VPS36: variants seen among roughly 807,000 people sequenced by gnomAD.
VPS36 encodes the protein vacuolar protein-sorting-associated protein 36.
Under a neutral mutation model 63.5 loss-of-function variants are expected in VPS36, and 31 were observed. The ratio of observed to expected loss-of-function variants is 0.49; its 90% CI spans 0.37 to 0.66. VPS36 has a LOEUF of 0.66. VPS36 is among the 30% of genes least tolerant of loss of function. The pLI, the probability that VPS36 is intolerant of heterozygous loss-of-function variation, is 0.00. For synonymous variants in VPS36, 138 were observed against 157.2 expected, an observed-to-expected ratio of 0.88 and a Z score of 0.91; for missense variants, 338 against 463.7, an observed-to-expected ratio of 0.73 and a Z score of 2.49.
At chr13:52,445,150 T>C (rs1594125027) in intron 1 of VPS36, among the ~76,000 whole-genome samples, 1 of 152,198 alleles carries the variant, frequency 6.6e-6, no homozygotes, top group East Asian at 1.9e-4. Context: ...GAATAGACCT[T>C]ATGAGTCCAT....
At chr13:52,436,253 A>C (rs1477378186) in intron 4 of VPS36, 37 bp downstream of exon 4, 15 of 1,401,792 alleles carry the variant, frequency 1.1e-5, no homozygotes, top group South Asian at 4.8e-5. Flanking sequence ...ACACACACAC[A>C]CCTTTCTAGT....
intron 10 of VPS36, among the ~76,000 whole-genome samples, chr13:52,419,207 A>G (rs1276761160): frequency 1.3e-5 from 2 of 152,210 alleles, no homozygotes; most frequent in African/African-American, 4.8e-5. Flanking sequence ...TGGGGCACAA[A>G]GAATACCTAG....
At chr13:52,432,458 A>G (rs1333714569) in intron 6 of VPS36, among the ~76,000 whole-genome samples, 1 of 152,266 alleles carries the variant, frequency 6.6e-6, no homozygotes, top group Non-Finnish European at 1.5e-5. Flanking sequence ...AAATGCAATT[A>G]TCCTGCCTTT....
At position 52,450,567 on chromosome 13, in the gene VPS36, G is replaced by A. The variant is rs373489248; in HGVS notation, c.28C>T (p.Leu10Phe). MDRFVWTSG[L>F]LEINETLVIQ... ...ACCAGGGTCTCGTTGATCTCCAGGAGGCCGCTGGTCCAAACGAAGCGGTCC... is the reference window on the plus strand; with the variant it reads ...ACCAGGGTCTCGTTGATCTCCAGGAAGCCGCTGGTCCAAACGAAGCGGTCC... Residue 10 changes from leucine (L) to phenylalanine (F), a missense_variant, in exon 1 of 14, where the codon CTC becomes TTC. By Grantham distance (22) the Leu-to-Phe change is conservative. Transcript: ENST00000378060. 2.5e-6 allele frequency: 4 copies of A among 1,592,502 alleles called. No homozygotes were observed. The African/African-American group carries it at 5.5e-5, about 22-fold the overall frequency.
intron 1 of VPS36, among the ~76,000 whole-genome samples, chr13:52,443,652 G>A (rs1407502407): frequency 6.6e-6 from 1 of 152,164 alleles, no homozygotes; most frequent in African/African-American, 2.4e-5. Flanking sequence ...TGTTTTAGCA[G>A]CTGAGCTGAC....
At chr13:52,417,265 A>G (rs1958002939) in intron 11 of VPS36, 124 bp from the exon 12 acceptor site, 3 of 701,136 alleles carry the variant, frequency 4.3e-6, no homozygotes, top group Non-Finnish European at 7.3e-6. Flanking sequence ...ACAAAACAAC[A>G]TTTAAAACAT....
intron 1 of VPS36, chr13:52,449,938 G>C: frequency 2.0e-6 from 2 of 985,542 alleles, no homozygotes; most frequent in Non-Finnish European, 2.4e-6. Flanking sequence ...TACCTCTTTA[G>C]GAAATCCTTT....
At chr13:52,420,132 C>T (rs1005964157) in intron 10 of VPS36, among the ~76,000 whole-genome samples, 17 of 151,096 alleles carry the variant, frequency 1.1e-4, no homozygotes, top group African/African-American at 3.9e-4. Flanking sequence ...TTCCCAGTTA[C>T]TTGGGAGGCT....
At chr13:52,427,765 TA>T (rs1387910660) in intron 6 of VPS36, among the ~76,000 whole-genome samples, 1 of 152,120 alleles carries the variant, frequency 6.6e-6, no homozygotes, top group East Asian at 1.9e-4. Context: ...TCAAAGAAAA[TA>T]ATTATTATTG....
At chr13:52,420,476 G>A (rs1376843646) in intron 10 of VPS36, among the ~76,000 whole-genome samples, 3 of 151,788 alleles carry the variant, frequency 2.0e-5, no homozygotes, top group African/African-American at 7.3e-5. Context: ...GGGATTACAG[G>A]TGCCTGCCAC....
intron 10 of VPS36, among the ~76,000 whole-genome samples, chr13:52,420,773 T>C (rs1308692066): frequency 6.6e-6 from 1 of 152,198 alleles, no homozygotes; most frequent in Non-Finnish European, 1.5e-5. Context: ...AAATTTCACA[T>C]GTACCCCATA....
At chr13:52,445,555 C>G (rs936451625) in intron 1 of VPS36, among the ~76,000 whole-genome samples, 1 of 146,940 alleles carries the variant, frequency 6.8e-6, no homozygotes, top group African/African-American at 2.5e-5. Context: ...AGGAGAATGG[C>G]GTGAACTCGG....
chr13:52,435,393 A>G (rs924044800), intron 4 of VPS36, among the ~76,000 whole-genome samples: 10 of 146,524 alleles, frequency 6.8e-5, no homozygotes, highest in East Asian at 3.9e-4. Flanking sequence ...AGCACAAGGG[A>G]AAAAAAAAAA....
At chr13:52,421,879 AT>A (rs987297747) in intron 10 of VPS36, among the ~76,000 whole-genome samples, 1 of 152,026 alleles carries the variant, frequency 6.6e-6, no homozygotes, top group Non-Finnish European at 1.5e-5. Context: ...TACAGGGGCT[AT>A]TTTTATTAAT....
At chr13:52,425,284 C>A (rs1958091028) in intron 9 of VPS36, among the ~76,000 whole-genome samples, 1 of 150,100 alleles carries the variant, frequency 6.7e-6, no homozygotes, top group African/African-American at 2.5e-5. Flanking sequence ...AATGTGAACA[C>A]TAGATATTAG....
intron 3 of VPS36, 38 bp downstream of exon 3, chr13:52,439,060 T>A (rs370214679): frequency 5.5e-5 from 87 of 1,590,462 alleles, no homozygotes; most frequent in Non-Finnish European, 7.3e-5. Context: ...ACAGGAAATG[T>A]TTTCTGTGAA....
intron 10 of VPS36, among the ~76,000 whole-genome samples, chr13:52,422,940 G>A (rs149468933): frequency 1.1e-3 from 166 of 152,212 alleles, no homozygotes; most frequent in Non-Finnish European, 1.7e-3. Flanking sequence ...TTATGGGGGC[G>A]GGTCTTTCCT....
At chr13:52,416,609 T>C (rs1276976123) in intron 12 of VPS36, among the ~76,000 whole-genome samples, 2 of 152,230 alleles carry the variant, frequency 1.3e-5, no homozygotes, top group Non-Finnish European at 2.9e-5. Flanking sequence ...ATGAGTAATA[T>C]TGGCAGTTTG....
Position 52,450,500 on chromosome 13 carries a change from T to C in VPS36, c.95A>G (p.Lys32Arg), listed in dbSNP as rs1161272051. Residue 32 changes from lysine to arginine, a missense_variant and splice_region_variant, in exon 1 of 14, where the codon AAG (lysine) becomes AGG (arginine). Transcript: ENST00000378060. ...TGGGAAGGTTGGCAGACGCCCTACC[T>C]TCTCCTCGCCATCGTAGATTCGCAC... is the stretch of plus-strand genomic sequence containing the variant. ...RGVRIYDGEE[K>R]IKFDAGTLLL... 1.9e-6 allele frequency: 3 copies of C among 1,591,506 alleles called. No homozygotes were observed. Among genetic ancestry groups the C allele is most frequent in the Admixed American group, 1.7e-5 (1 of 57,832 alleles).
Sources: gnomAD v4.1 joint callset for allele counts (sites outside exome capture counted in the v4.1 genomes callset) on GRCh38, gnomAD v4.1.1 for gene constraint, MANE v1.5 for transcripts, NCBI Gene and HGNC (gene_info 2026-07-23, HGNC 2026-07-21) for gene names.